AKR1C3: variants seen among roughly 807,000 people sequenced by gnomAD.
AKR1C3 encodes 3-alpha hydroxysteroid dehydrogenase, type II.
Under a neutral mutation model 43.6 loss-of-function variants are expected in AKR1C3, and 48 were observed. The observed-to-expected ratio is 1.10, with a 90% CI of 0.87 to 1.40. The LOEUF (loss-of-function observed/expected upper bound fraction) is 1.40. Ranked by LOEUF, AKR1C3 falls within the 40% of genes most tolerant of loss-of-function variation. AKR1C3 has a pLI of 0.00. For missense variants in AKR1C3, 482 were observed against 391.2 expected (o/e 1.23, Z -1.96); for synonymous variants, 162 against 139.6 (o/e 1.16, Z -1.13).
chr10:5,078,200 G>A (rs1554782028), intron 1 of AKR1C3, among the ~76,000 whole-genome samples: 1 of 152,174 alleles, frequency 6.6e-6, no homozygotes, highest in African/African-American at 2.4e-5. Context: ...GATGCGGGTG[G>A]ATCACTTGAG....
chr10:5,051,002 G>A (rs1554778869), intron 1 of AKR1C3, among the ~76,000 whole-genome samples: 2 of 152,190 alleles, frequency 1.3e-5, no homozygotes, highest in African/African-American at 4.8e-5. Context: ...CTTTCCTTGG[G>A]AATTTGAAAT....
Position 5,098,899 on chromosome 10 carries a change from G to A in AKR1C3, c.447+20G>A, listed in dbSNP as rs374941544. 46 of 1,583,360 alleles carry A rather than the reference G, an allele frequency of 2.9e-5. No homozygotes were observed. The African/African-American group carries it at 6.1e-4, about 21-fold the overall frequency. On this transcript the variant is annotated intron_variant, in intron 4 of 8. Coordinates refer to ENST00000380554, the MANE Select transcript of AKR1C3 (RefSeq NM_003739.6). Reference sequence around the variant, plus strand: ...TGGGAGGTGAGTGCTTGGCGGAGAGGACACAGAGAAGGATGACAAAAAGAG... The same window carrying A: ...TGGGAGGTGAGTGCTTGGCGGAGAGAACACAGAGAAGGATGACAAAAAGAG...
At chr10:5,054,931 A>G (rs1838228514) in intron 1 of AKR1C3, among the ~76,000 whole-genome samples, 1 of 152,242 alleles carries the variant, frequency 6.6e-6, no homozygotes, top group South Asian at 2.1e-4. Context: ...ACTGCATGCA[A>G]TAACTCTATA....
rs782379174 is a variant in AKR1C3, at chr10:5,098,787, C to CT, written c.370-14dup. The CT allele has an allele frequency of 7.0e-5, 112 of 1,610,350 alleles. 2 individuals are homozygous for CT. The South Asian group carries it at 1.2e-3, about 17-fold the overall frequency. ...TTAATTTGTGACATCATTAAAATGA[C>CT]TGCTTCTATTTCAGCCAGGTGAGGA... On this transcript the variant is annotated splice_polypyrimidine_tract_variant and intron_variant, in intron 3 of 8. Coordinates refer to ENST00000380554, the MANE Select transcript of AKR1C3 (RefSeq NM_003739.6).
intron 1 of AKR1C3, chr10:5,081,548 T>G (rs1838837852): frequency 3.3e-5 from 5 of 152,246 alleles, no homozygotes; most frequent in Admixed American, 2.6e-4. Context: ...TTTACTTTAC[T>G]CAGGGAAGGC....
At chr10:5,094,610 G>A (rs1588352931) in intron 1 of AKR1C3, 82 bp downstream of exon 1, 1 of 1,477,808 alleles carries the variant, frequency 6.8e-7, no homozygotes, top group South Asian at 1.1e-5. Flanking sequence ...TGTAAGGTTC[G>A]TGTTCCTACC....
chr10:5,078,088 T>G, intron 1 of AKR1C3: 2 of 598,160 alleles, frequency 3.3e-6, no homozygotes, highest in Non-Finnish European at 5.8e-6. Flanking sequence ...ATAAAAGGAA[T>G]GATGTCTTTT....
chr10:5,051,115 G>C (rs1838144955), intron 1 of AKR1C3, among the ~76,000 whole-genome samples: 1 of 152,136 alleles, frequency 6.6e-6, no homozygotes, highest in Admixed American at 6.5e-5. Flanking sequence ...TTTGTTTTGA[G>C]GCAGAGTTTC....
At position 5,102,634 on chromosome 10, in the gene AKR1C3, T is replaced by G; in HGVS notation, c.830T>G (p.Ile277Ser). ...VLAKSYNEQR[I>S]RQNVQVFEFQ... ...GCCAAGAGCTACAATGAGCAGCGCA[T>G]CAGACAGAACGTGCAGGTGAGGAGC... Residue 277 changes from isoleucine (I) to serine (S), a missense_variant, in exon 7 of 9, where the codon ATC becomes AGC. Coordinates refer to ENST00000380554, the MANE Select transcript of AKR1C3 (RefSeq NM_003739.6). 1 of 1,481,086 alleles carries G rather than the reference T, an allele frequency of 6.8e-7. No homozygotes were observed. 91.7% of individuals were successfully genotyped at this position (1,481,086 alleles called of 1,614,324 possible).
At chr10:5,095,920 T>C (rs574957930) in intron 1 of AKR1C3, among the ~76,000 whole-genome samples, 8 of 152,230 alleles carry the variant, frequency 5.3e-5, no homozygotes, top group South Asian at 4.1e-4. Flanking sequence ...TCGATGTAAC[T>C]AGCATCCAGT....
chr10:5,096,701 A>G, intron 2 of AKR1C3, 124 bp downstream of exon 2: 1 of 1,423,016 alleles, frequency 7.0e-7, no homozygotes, highest in Non-Finnish European at 9.3e-7. Context: ...TTATTCACAC[A>G]TACTCACATA....
At chr10:5,104,774 AC>A (rs1166272242) in intron 7 of AKR1C3, among the ~76,000 whole-genome samples, 1 of 152,198 alleles carries the variant, frequency 6.6e-6, no homozygotes, top group African/African-American at 2.4e-5. Context: ...TCTCCATTAA[AC>A]CATATGTATT....
chr10:5,091,069 T>C (rs1316333590), upstream of AKR1C3, among the ~76,000 whole-genome samples: 5 of 151,518 alleles, frequency 3.3e-5, no homozygotes, highest in African/African-American at 1.2e-4. Context: ...GTGTAGAACA[T>C]GTTCAAATAA....
chr10:5,096,217 T>C (rs1322688933), intron 1 of AKR1C3, 193 bp from the exon 2 acceptor site: 6 of 574,866 alleles, frequency 1.0e-5, no homozygotes, highest in African/African-American at 7.5e-5. Flanking sequence ...AGAGATTGCC[T>C]GAGACTGAAG....
rs1164825371 is a variant in AKR1C3, at chr10:5,083,651, A to C, written c.85-12759A>C. ...AGTTCTAGATCCCTGAGCAATCGCC[A>C]CACTGACTTCCACAATGGTTGAACT... On this transcript the variant is annotated intron_variant, in intron 1 of 8. Transcript: ENST00000439082. 2.0e-5 allele frequency among the ~76,000 whole-genome samples: 3 copies of C among 152,208 alleles called. No homozygotes were observed. The East Asian group carries it at 5.8e-4, about 29-fold the overall frequency.
chr10:5,075,496 G>A (rs554429347), intron 1 of AKR1C3, among the ~76,000 whole-genome samples: 337 of 152,124 alleles, frequency 2.2e-3, no homozygotes, highest in Non-Finnish European at 2.7e-3. Context: ...CACCCTGTCG[G>A]ACCATAAAGG....
intron 2 of AKR1C3, 87 bp from the exon 3 acceptor site, chr10:5,097,347 G>T (rs1422880502): frequency 3.3e-6 from 5 of 1,501,530 alleles, no homozygotes; most frequent in Non-Finnish European, 4.5e-6. Flanking sequence ...GAAGCAGTAG[G>T]AAAATATCTA....
rs758338819 is a variant in AKR1C3 at position 5,105,594 on chromosome 10, G to T, written c.847-1G>T. 1 of 1,612,720 alleles carries T rather than the reference G, an allele frequency of 6.2e-7. No individual in the cohort carries two copies. The highest frequency in any genetic ancestry group is 1.3e-5 in the African/African-American group (1 of 74,952). ...TAATAAAAGTTTTTTATTTCTGATA[G>T]GTTTTTGAGTTCCAGTTGACTGCAG... is the stretch of plus-strand genomic sequence containing the variant. On this transcript the variant is annotated splice_acceptor_variant, in intron 7 of 8. Coordinates refer to ENST00000380554, the MANE Select transcript of AKR1C3 (RefSeq NM_003739.6). LOFTEE classifies it high-confidence loss of function.
chr10:5,092,378 C>T (rs1663707718), upstream of AKR1C3, among the ~76,000 whole-genome samples: 2 of 151,944 alleles, frequency 1.3e-5, no homozygotes, highest in Non-Finnish European at 1.5e-5. Context: ...AATCTCTCCA[C>T]CCCCATAGGC....
Sources: gnomAD v4.1 joint callset for allele counts (sites outside exome capture counted in the v4.1 genomes callset) on GRCh38, gnomAD v4.1.1 for gene constraint, MANE v1.5 for transcripts, NCBI Gene and HGNC (gene_info 2026-07-23, HGNC 2026-07-21) for gene names.